Variants in UBE2H observed in about 807,000 individuals in gnomAD.
The protein encoded by UBE2H is ubiquitin conjugating enzyme E2 H, also known as ubiquitin-conjugating enzyme E2 H.
Under a neutral mutation model 29.0 loss-of-function variants are expected in UBE2H, and 3 were observed. The ratio of observed to expected loss-of-function variants is 0.10; its 90% CI spans 0.05 to 0.27. The LOEUF is 0.27. UBE2H is among the 10% of genes least tolerant of loss of function. UBE2H has a pLI of 1.00. For synonymous variants in UBE2H, 69 were observed against 82.9 expected, an observed-to-expected ratio of 0.83 and a Z score of 0.91; for missense variants, 68 against 228.2, an observed-to-expected ratio of 0.30 and a Z score of 4.52.
rs1805206803 is a variant in UBE2H, at chr7:129,830,775, T to G, written c.*4162A>C. 6.7e-6 allele frequency: 1 copy of G among 150,080 alleles called. No homozygotes were observed. The highest frequency in any genetic ancestry group is 6.7e-5 in the Admixed American group (1 of 14,928). 9.3% of individuals were successfully genotyped at this position (150,080 alleles called of 1,614,324 possible). A position where few individuals can be genotyped will look rare whatever the true frequency, so the allele number is the denominator to read the frequency against. ...CGTTTATTTAAAAAAGTTTACAGTT[T>G]TCATTATACACAACTATTAAGAGGT... On this transcript the variant is annotated 3_prime_UTR_variant, in exon 7 of 7. Transcript: ENST00000355621.
chr7:129,908,484 C>T (rs989277413), intron 1 of UBE2H, among the ~76,000 whole-genome samples: 1 of 152,196 alleles, frequency 6.6e-6, no homozygotes, highest in South Asian at 2.1e-4. Context: ...AGAAACCCTA[C>T]TGTGAAAAGA....
At chr7:129,861,500 G>C (rs1805802948) in intron 3 of UBE2H, among the ~76,000 whole-genome samples, 1 of 152,126 alleles carries the variant, frequency 6.6e-6, no homozygotes, top group South Asian at 2.1e-4. Context: ...ATGTTTGCAA[G>C]ATTCTCCCAT....
In UBE2H at chr7:129,878,137, C is replaced by T. The variant is rs185147383; in HGVS notation, c.205+1431G>A. 1.6e-3 allele frequency among the ~76,000 whole-genome samples: 240 copies of T among 152,280 alleles called. 1 individual carries two copies. The highest frequency in any genetic ancestry group is 2.0e-3 in the Non-Finnish European group (137 of 68,034). On this transcript the variant is annotated intron_variant, in intron 3 of 6. Coordinates refer to ENST00000355621, the MANE Select transcript of UBE2H (RefSeq NM_003344.4). ...CTGGGGACAGGGAACCACAACACAA[C>T]AGAAAAGCCCTCTCAAAAGGAGAAG...
At chr7:129,857,490 A>G (rs1370801103) in intron 5 of UBE2H, 21 bp downstream of exon 5, 2 of 1,602,422 alleles carry the variant, frequency 1.2e-6, no homozygotes, top group Non-Finnish European at 1.7e-6. Flanking sequence ...TCTCCAAAAA[A>G]TATTCCATGG....
At chr7:129,840,639 T>A (rs1057406316) in intron 5 of UBE2H, among the ~76,000 whole-genome samples, 1 of 152,140 alleles carries the variant, frequency 6.6e-6, no homozygotes, top group Non-Finnish European at 1.5e-5. Context: ...ACTTCCACAC[T>A]CTGCTCCTCA....
intron 1 of UBE2H, among the ~76,000 whole-genome samples, chr7:129,944,746 A>ACACACG (rs1451306274): frequency 7.5e-6 from 1 of 133,272 alleles, no homozygotes; most frequent in Non-Finnish European, 1.7e-5. Flanking sequence ...ACACACACAC[A>ACACACG]CACACGCACG....
chr7:129,839,057 G>T (rs2116265409), intron 6 of UBE2H, 150 bp downstream of exon 6: 2 of 1,148,796 alleles, frequency 1.7e-6, no homozygotes, highest in Non-Finnish European at 2.4e-6. Context: ...GCCACCCGAG[G>T]TTGGTGAGCA....
chr7:129,906,401 C>T (rs1317501237), intron 1 of UBE2H, among the ~76,000 whole-genome samples: 1 of 152,010 alleles, frequency 6.6e-6, no homozygotes, highest in Admixed American at 6.6e-5. Flanking sequence ...GGCAGGGTTT[C>T]ACCATGTTGG....
chr7:129,948,931 T>C, intron 1 of UBE2H: 1 of 448,682 alleles, frequency 2.2e-6, no homozygotes, highest in South Asian at 1.6e-5. Context: ...ACCTCTTTTG[T>C]ATATAAACAC....
chr7:129,847,553 G>A (rs1584741161), intron 5 of UBE2H, among the ~76,000 whole-genome samples: 1 of 151,868 alleles, frequency 6.6e-6, no homozygotes, highest in Non-Finnish European at 1.5e-5. Flanking sequence ...TGTTGCCCAA[G>A]CTAGTCCCAA....
intron 3 of UBE2H, among the ~76,000 whole-genome samples, chr7:129,867,805 G>A (rs1467509223): frequency 6.9e-6 from 1 of 144,076 alleles, no homozygotes; most frequent in African/African-American, 2.6e-5. Flanking sequence ...CATCCTGACT[G>A]CATTTGGTAT....
intron 1 of UBE2H, among the ~76,000 whole-genome samples, chr7:129,884,721 C>A (rs971289189): frequency 4.0e-5 from 6 of 151,730 alleles, no homozygotes; most frequent in African/African-American, 1.5e-4. Flanking sequence ...CCTAGCTGGG[C>A]CTACAGCAGG....
intron 1 of UBE2H, among the ~76,000 whole-genome samples, chr7:129,890,849 T>C (rs1462653875): frequency 1.3e-5 from 2 of 152,028 alleles, no homozygotes; most frequent in Non-Finnish European, 2.9e-5. Context: ...GAAGTCAACT[T>C]ATAGGCTGGG....
intron 1 of UBE2H, chr7:129,949,068 C>A (rs1213210780): frequency 4.4e-6 from 2 of 456,428 alleles, no homozygotes; most frequent in Non-Finnish European, 8.8e-6. Flanking sequence ...ATACGCTTTT[C>A]CAAAACAAGC....
At chr7:129,940,553 G>A (rs1453782218) in intron 1 of UBE2H, among the ~76,000 whole-genome samples, 1 of 152,158 alleles carries the variant, frequency 6.6e-6, no homozygotes, top group African/African-American at 2.4e-5. Context: ...TCTCTGCAGG[G>A]ACAGGTCAGA....
chr7:129,865,568 G>A (rs1033146681), intron 3 of UBE2H, among the ~76,000 whole-genome samples: 4 of 152,216 alleles, frequency 2.6e-5, no homozygotes, highest in African/African-American at 9.6e-5. Flanking sequence ...GTAAACGGGT[G>A]AAGATCACCA....
intron 3 of UBE2H, among the ~76,000 whole-genome samples, chr7:129,868,260 A>C (rs1805953656): frequency 6.6e-6 from 1 of 152,220 alleles, no homozygotes; most frequent in African/African-American, 2.4e-5. Flanking sequence ...AGATTATATA[A>C]TAATGAGCTG....
At chr7:129,838,027 T>C (rs1805362501) in intron 6 of UBE2H, among the ~76,000 whole-genome samples, 1 of 152,218 alleles carries the variant, frequency 6.6e-6, no homozygotes, top group Admixed American at 6.5e-5. Context: ...TTTGCAGACA[T>C]TGCTAAGTGA....
chr7:129,845,001 G>C (rs1805488353), intron 5 of UBE2H, among the ~76,000 whole-genome samples: 1 of 152,116 alleles, frequency 6.6e-6, no homozygotes, highest in South Asian at 2.1e-4. Context: ...GTGGTGGTGG[G>C]CACCTGTAAT....
Sources: gnomAD v4.1 joint callset for allele counts (sites outside exome capture counted in the v4.1 genomes callset) on GRCh38, gnomAD v4.1.1 for gene constraint, MANE v1.5 for transcripts, NCBI Gene and HGNC (gene_info 2026-07-23, HGNC 2026-07-21) for gene names.